The following TMEM38A variants were observed in gnomAD, a reference collection of about 807,000 sequenced individuals.
The protein encoded by TMEM38A is transmembrane protein 38A, also known as trimeric intracellular cation channel type A.
In TMEM38A, 17 loss-of-function variants were observed where a neutral mutation model predicts 28.6. That is an observed-to-expected ratio of 0.60 (90% confidence interval 0.41 to 0.89). The LOEUF is 0.89. Ranked by LOEUF, TMEM38A falls within the 40% of genes least tolerant of loss-of-function variation. TMEM38A has a pLI of 0.00. For missense variants in TMEM38A, 328 were observed against 393.1 expected, an observed-to-expected ratio of 0.83 and a Z score of 1.40; for synonymous variants, 169 against 166.1, an observed-to-expected ratio of 1.02 and a Z score of -0.14.
At chr19:16,662,208 A>C (rs1271977944) in intron 1 of TMEM38A, among the ~76,000 whole-genome samples, 4 of 152,162 alleles carry the variant, frequency 2.6e-5, no homozygotes, top group Non-Finnish European at 5.9e-5. Context: ...AGGAACCCCA[A>C]ACTTCATAAG....
Position 16,661,466 on chromosome 19 carries a change from A to C in TMEM38A, c.124+125A>C. On this transcript the variant is annotated intron_variant, in intron 1 of 5. Transcript: ENST00000187762. The surrounding 1 kb of genome is among the most constrained non-coding windows in gnomAD (Gnocchi z 6.5). ...AGCGAGGGACAGGTTCAAGGATTGC[A>C]TCGTGGGAGTAGGCAGGCGCTAGAA... The C allele has an allele frequency of 1.2e-6, 1 of 804,358 alleles. No homozygotes were observed. Among genetic ancestry groups the C allele is most frequent in the Admixed American group, 3.8e-5 (1 of 26,054 alleles). 49.8% of individuals were successfully genotyped at this position (804,358 alleles called of 1,614,324 possible).
At position 16,664,743 on chromosome 19, in the gene TMEM38A, A is replaced by G. The variant is rs942108069; in HGVS notation, c.124+3402A>G. ...TTCTTGAGAATCCTGAGAATGGATG[A>G]AGCTCAGAGTGTGGTCCTCAACAGA... On this transcript the variant is annotated intron_variant, in intron 1 of 5. Coordinates refer to ENST00000187762, the MANE Select transcript of TMEM38A (RefSeq NM_024074.4). 3.3e-5 allele frequency among the ~76,000 whole-genome samples: 5 copies of G among 152,010 alleles called. No individual in the cohort carries two copies. In the East Asian group the frequency reaches 9.7e-4, roughly 30 times the overall value.
At chr19:16,674,999 A>G (rs2086744190) in intron 1 of TMEM38A, among the ~76,000 whole-genome samples, 1 of 152,184 alleles carries the variant, frequency 6.6e-6, no homozygotes, top group South Asian at 2.1e-4. Context: ...TAGTATATAC[A>G]GATTTCTTAA....
At position 16,688,503 on chromosome 19, in the gene TMEM38A, C is replaced by A; in HGVS notation, c.*132C>A. 1.4e-6 allele frequency: 1 copy of A among 698,770 alleles called. No homozygotes were observed. Among genetic ancestry groups the A allele is most frequent in the Non-Finnish European group, 2.1e-6 (1 of 473,156 alleles). 43.3% of individuals were successfully genotyped at this position (698,770 alleles called of 1,614,324 possible). Reference sequence around the variant, plus strand: ...TGCAAATCAGGGTCATTGGCTCACCCTCCAGGGCTGATGTGGGGGTTGAGA... The same window carrying A: ...TGCAAATCAGGGTCATTGGCTCACCATCCAGGGCTGATGTGGGGGTTGAGA... On this transcript the variant is annotated 3_prime_UTR_variant, in exon 6 of 6. Coordinates refer to ENST00000187762, the MANE Select transcript of TMEM38A (RefSeq NM_024074.4).
intron 1 of TMEM38A, among the ~76,000 whole-genome samples, chr19:16,673,472 T>C (rs1035357650): frequency 1.3e-5 from 2 of 152,180 alleles, no homozygotes; most frequent in Non-Finnish European, 2.9e-5. Context: ...TGTTGCAACA[T>C]TGTATCAGTG....
chr19:16,675,294 C>T (rs1282966585), intron 1 of TMEM38A, among the ~76,000 whole-genome samples: 1 of 149,520 alleles, frequency 6.7e-6, no homozygotes, highest in East Asian at 2.0e-4. Flanking sequence ...AGTGCAGTGC[C>T]TTGATCACGG....
At chr19:16,662,435 G>GA (rs2086685983) in intron 1 of TMEM38A, among the ~76,000 whole-genome samples, 2 of 102,452 alleles carry the variant, frequency 2.0e-5, no homozygotes, top group Non-Finnish European at 1.9e-5. Context: ...GTAAATGCAC[G>GA]CTTTTTTTTT....
At chr19:16,672,009 T>C (rs1007913650) in intron 1 of TMEM38A, among the ~76,000 whole-genome samples, 3 of 152,302 alleles carry the variant, frequency 2.0e-5, no homozygotes, top group Admixed American at 2.0e-4. Context: ...CAGCCAGTTG[T>C]GTTTTAAATA....
chr19:16,686,167 G>A (rs2086800900), intron 4 of TMEM38A, 121 bp from the exon 5 acceptor site: 3 of 678,152 alleles, frequency 4.4e-6, no homozygotes, highest in Non-Finnish European at 7.4e-6. Context: ...CATCTCAAAA[G>A]GAAAAGAAAA....
intron 1 of TMEM38A, among the ~76,000 whole-genome samples, chr19:16,663,980 C>T (rs1195563770): frequency 6.6e-6 from 1 of 152,074 alleles, no homozygotes; most frequent in Non-Finnish European, 1.5e-5. Flanking sequence ...ACTGGGGAAA[C>T]AGGAAATAGT....
At chr19:16,666,663 T>G (rs996908248) in intron 1 of TMEM38A, among the ~76,000 whole-genome samples, 12 of 151,954 alleles carry the variant, frequency 7.9e-5, no homozygotes, top group Non-Finnish European at 1.2e-4. Flanking sequence ...GGAAGCTGAT[T>G]AGAAATGCAG....
chr19:16,663,213 G>A (rs999066348), intron 1 of TMEM38A, among the ~76,000 whole-genome samples: 15 of 151,464 alleles, frequency 9.9e-5, no homozygotes, highest in African/African-American at 2.9e-4. Context: ...CCTGGGAGGC[G>A]GAGGTTGCAG....
At chr19:16,683,017 A>G (rs2086788019) in intron 4 of TMEM38A, among the ~76,000 whole-genome samples, 1 of 152,078 alleles carries the variant, frequency 6.6e-6, no homozygotes, top group Non-Finnish European at 1.5e-5. Flanking sequence ...TCTGTCGCCC[A>G]GGCTTGAGTA....
chr19:16,678,579 G>A (rs1311863459), intron 1 of TMEM38A, among the ~76,000 whole-genome samples: 1 of 151,652 alleles, frequency 6.6e-6, no homozygotes, highest in African/African-American at 2.4e-5. Flanking sequence ...GGGCAACATG[G>A]CGAAACCCCG....
intron 5 of TMEM38A, among the ~76,000 whole-genome samples, chr19:16,687,353 C>T (rs900044449): frequency 1.3e-5 from 2 of 151,682 alleles, no homozygotes; most frequent in East Asian, 3.9e-4. Flanking sequence ...AACAGGCAAA[C>T]AAAATACAAA....
chr19:16,679,564 A>G (rs1343935396), intron 1 of TMEM38A, among the ~76,000 whole-genome samples: 4 of 152,014 alleles, frequency 2.6e-5, no homozygotes, highest in African/African-American at 9.7e-5. Flanking sequence ...AAGTGCTGGG[A>G]TTACAGGTGT....
chr19:16,666,232 G>A (rs1241017571), intron 1 of TMEM38A, among the ~76,000 whole-genome samples: 5 of 151,956 alleles, frequency 3.3e-5, no homozygotes, highest in African/African-American at 1.2e-4. Flanking sequence ...GCCCACCTTG[G>A]CCTCCCAAAG....
intron 1 of TMEM38A, among the ~76,000 whole-genome samples, chr19:16,671,162 A>G (rs1235984041): frequency 6.6e-6 from 1 of 150,684 alleles, no homozygotes; most frequent in East Asian, 2.0e-4. Context: ...AAACCCATCA[A>G]GAGAAACCAA....
At chr19:16,675,675 A>C (rs2086747756) in intron 1 of TMEM38A, among the ~76,000 whole-genome samples, 1 of 150,288 alleles carries the variant, frequency 6.7e-6, no homozygotes, top group Non-Finnish European at 1.5e-5. Context: ...CTGCCTCCCT[A>C]GTAGCTGGGA....
Sources: gnomAD v4.1 joint callset for allele counts (sites outside exome capture counted in the v4.1 genomes callset) on GRCh38, gnomAD v4.1.1 for gene constraint, Gnocchi (gnomAD v3.1) non-coding constraint, MANE v1.5 for transcripts, NCBI Gene and HGNC (gene_info 2026-07-23, HGNC 2026-07-21) for gene names.